Variants in MPPED2 observed in about 807,000 individuals in gnomAD.
MPPED2 encodes the protein metallophosphoesterase MPPED2.
In MPPED2, 5 loss-of-function variants were observed where a neutral mutation model predicts 33.0. The ratio of observed to expected loss-of-function variants is 0.15; its 90% CI spans 0.08 to 0.32. The LOEUF (loss-of-function observed/expected upper bound fraction) is 0.32. MPPED2 is among the 10% of genes least tolerant of loss of function. The pLI, the probability that MPPED2 is intolerant of heterozygous loss-of-function variation, is 1.00. For missense variants in MPPED2, 275 were observed against 372.1 expected (o/e 0.74, Z 2.15); for synonymous variants, 136 against 141.9 (o/e 0.96, Z 0.29).
chr11:30,426,522 T>G (rs1360730619), intron 4 of MPPED2, among the ~76,000 whole-genome samples: 2 of 152,166 alleles, frequency 1.3e-5, no homozygotes, highest in African/African-American at 4.8e-5. Flanking sequence ...GAAAGCCCAG[T>G]GAGGATGGGC....
chr11:30,523,511 T>C (rs1158440786), intron 3 of MPPED2, among the ~76,000 whole-genome samples: 2 of 152,084 alleles, frequency 1.3e-5, no homozygotes, highest in Non-Finnish European at 2.9e-5. Context: ...AACATTTACA[T>C]GACATTTGAC....
intron 3 of MPPED2, among the ~76,000 whole-genome samples, chr11:30,515,791 C>A (rs1189884698): frequency 6.6e-6 from 1 of 152,186 alleles, no homozygotes; most frequent in East Asian, 1.9e-4. Flanking sequence ...CTAAGAACCT[C>A]TTGAAACAGA....
chr11:30,541,471 CAACCT>C (rs1955111713), intron 2 of MPPED2, among the ~76,000 whole-genome samples: 1 of 152,186 alleles, frequency 6.6e-6, no homozygotes, highest in African/African-American at 2.4e-5. Flanking sequence ...TGTATACAAT[CAACCT>C]ATAATTCAGT....
intron 2 of MPPED2, among the ~76,000 whole-genome samples, chr11:30,543,025 A>G (rs1279541696): frequency 6.6e-6 from 1 of 152,224 alleles, no homozygotes; most frequent in Non-Finnish European, 1.5e-5. Context: ...CTCTCTATCC[A>G]GTCATGGATA....
intron 5 of MPPED2, among the ~76,000 whole-genome samples, chr11:30,415,251 G>C (rs1230519733): frequency 6.6e-6 from 1 of 152,148 alleles, no homozygotes. Context: ...AGACATATTC[G>C]CTGGGGTTTA....
chr11:30,498,606 G>A (rs931427151), intron 3 of MPPED2, among the ~76,000 whole-genome samples: 2 of 151,636 alleles, frequency 1.3e-5, no homozygotes, highest in African/African-American at 4.8e-5. Flanking sequence ...CCAAGGCATG[G>A]TCTATGTTCT....
At chr11:30,416,546 G>A (rs1948367123) in intron 5 of MPPED2, among the ~76,000 whole-genome samples, 1 of 152,146 alleles carries the variant, frequency 6.6e-6, no homozygotes, top group African/African-American at 2.4e-5. Flanking sequence ...TTTGTATAAA[G>A]TGTTTTTTCC....
intron 3 of MPPED2, among the ~76,000 whole-genome samples, chr11:30,524,168 G>T (rs1470253592): frequency 6.6e-6 from 1 of 152,068 alleles, no homozygotes; most frequent in Admixed American, 6.5e-5. Context: ...CAGGAGAATC[G>T]CTTGAGTCTG....
chr11:30,563,660 G>C (rs1214818303), intron 2 of MPPED2, among the ~76,000 whole-genome samples: 1 of 152,222 alleles, frequency 6.6e-6, no homozygotes, highest in East Asian at 1.9e-4. Context: ...CAACTCTAAA[G>C]AGGGTGGGGA....
At chr11:30,580,038 T>C (rs985308238) in intron 2 of MPPED2, among the ~76,000 whole-genome samples, 2 of 152,148 alleles carry the variant, frequency 1.3e-5, no homozygotes, top group Admixed American at 6.5e-5. Flanking sequence ...CTAATTTCAA[T>C]TGTGGTTGAA....
intron 6 of MPPED2, among the ~76,000 whole-genome samples, chr11:30,390,980 G>C (rs1947766071): frequency 6.6e-6 from 1 of 152,172 alleles, no homozygotes; most frequent in Admixed American, 6.5e-5. Context: ...AGATTCAAAG[G>C]TGTGGAGAAA....
intron 1 of MPPED2, among the ~76,000 whole-genome samples, chr11:30,583,678 T>G (rs1411873072): frequency 2.0e-5 from 3 of 152,150 alleles, no homozygotes; most frequent in African/African-American, 7.2e-5. Context: ...GATTAAAAGC[T>G]GAGGAATTAA....
intron 2 of MPPED2, among the ~76,000 whole-genome samples, chr11:30,578,299 A>G (rs529164265): frequency 6.6e-6 from 1 of 152,200 alleles, no homozygotes; most frequent in Admixed American, 6.5e-5. Flanking sequence ...CAGAGGGTTC[A>G]GATGGGAAGC....
At chr11:30,571,696 T>C (rs1956698989) in intron 2 of MPPED2, among the ~76,000 whole-genome samples, 1 of 152,166 alleles carries the variant, frequency 6.6e-6, no homozygotes, top group Non-Finnish European at 1.5e-5. Flanking sequence ...AACTGATGAA[T>C]AGATCTTCCA....
intron 2 of MPPED2, among the ~76,000 whole-genome samples, chr11:30,562,132 C>T (rs1389050455): frequency 6.6e-6 from 1 of 152,170 alleles, no homozygotes; most frequent in African/African-American, 2.4e-5. Flanking sequence ...GGGCCAGAAA[C>T]CACCTAACTT....
intron 4 of MPPED2, among the ~76,000 whole-genome samples, chr11:30,442,148 G>A (rs893007013): frequency 5.9e-5 from 9 of 152,198 alleles, no homozygotes; most frequent in African/African-American, 1.7e-4. Flanking sequence ...GAAGAACAGA[G>A]AAGAACTCCC....
intron 2 of MPPED2, among the ~76,000 whole-genome samples, chr11:30,578,564 A>G (rs1281128790): frequency 6.6e-6 from 1 of 152,250 alleles, no homozygotes; most frequent in African/African-American, 2.4e-5. Context: ...TCTTGAGGCC[A>G]AGAACAAGTG....
chr11:30,469,648 T>C (rs185355651), intron 4 of MPPED2, among the ~76,000 whole-genome samples: 190 of 152,290 alleles, frequency 1.2e-3, no homozygotes, highest in African/African-American at 4.4e-3. Flanking sequence ...GAGAACTAAA[T>C]AGAGAGGTGT....
At chr11:30,569,824 G>A (rs936754661) in intron 2 of MPPED2, among the ~76,000 whole-genome samples, 15 of 152,058 alleles carry the variant, frequency 9.9e-5, no homozygotes, top group Non-Finnish European at 2.2e-4. Context: ...GAGTCGGCAC[G>A]TGTACCCTAG....
Sources: gnomAD v4.1 joint callset for allele counts (sites outside exome capture counted in the v4.1 genomes callset) on GRCh38, gnomAD v4.1.1 for gene constraint, MANE v1.5 for transcripts, NCBI Gene and HGNC (gene_info 2026-07-23, HGNC 2026-07-21) for gene names.